The following SLIT1 variants were observed in gnomAD, a reference collection of about 807,000 sequenced individuals.
The protein encoded by SLIT1 is slit guidance ligand 1, also known as slit homolog 1 protein.
SLIT1 carries 66 observed loss-of-function variants against 186.1 expected under a neutral mutation model. The observed-to-expected ratio is 0.35, with a 90% confidence interval of 0.29 to 0.44. SLIT1 has a LOEUF of 0.44. Ranked by LOEUF, SLIT1 falls within the 20% of genes least tolerant of loss-of-function variation. SLIT1 has a pLI of 1.00. For missense variants in SLIT1, 1,638 were observed against 2,037.4 expected (o/e 0.80, Z 3.77); for synonymous variants, 761 against 833.8 (o/e 0.91, Z 1.50).
chr10:97,110,234 C>T (rs1475166181), intron 4 of SLIT1, among the ~76,000 whole-genome samples: 1 of 152,214 alleles, frequency 6.6e-6, no homozygotes, highest in African/African-American at 2.4e-5. Context: ...GATGACAGAG[C>T]CTCTCCTCAT....
At chr10:97,109,830 G>T (rs967966810) in intron 4 of SLIT1, among the ~76,000 whole-genome samples, 2 of 152,174 alleles carry the variant, frequency 1.3e-5, no homozygotes, top group Admixed American at 6.5e-5. Context: ...AAGCTGCTGG[G>T]TGCAAGCTGA....
intron 4 of SLIT1, among the ~76,000 whole-genome samples, chr10:97,126,114 T>TA (rs1373313030): frequency 6.6e-6 from 1 of 152,248 alleles, no homozygotes; most frequent in Non-Finnish European, 1.5e-5. Context: ...ATTTTCATTT[T>TA]ATATGTCTCC....
chr10:97,018,495 C>T (rs925123085), intron 28 of SLIT1, 91 bp downstream of exon 28: 23 of 780,920 alleles, frequency 2.9e-5, no homozygotes, highest in Non-Finnish European at 2.7e-5. Context: ...CACAGGAGGC[C>T]TGGGCCATCC....
chr10:97,135,007 C>A (rs1190118260), intron 4 of SLIT1, among the ~76,000 whole-genome samples: 1 of 152,210 alleles, frequency 6.6e-6, no homozygotes, highest in East Asian at 1.9e-4. Context: ...AGCCTTTTTT[C>A]TCACCATGAT....
At chr10:97,047,639 G>A (rs1848745250) in intron 16 of SLIT1, 51 bp downstream of exon 16, 4 of 1,522,594 alleles carry the variant, frequency 2.6e-6, no homozygotes, top group African/African-American at 2.7e-5. Context: ...GCCAAGGAGG[G>A]TTAGTGGCAG....
At chr10:97,116,652 G>A (rs758918882) in intron 4 of SLIT1, among the ~76,000 whole-genome samples, 8 of 152,340 alleles carry the variant, frequency 5.3e-5, no homozygotes, top group Non-Finnish European at 1.0e-4. Context: ...GAATGCCAGC[G>A]AAGCAGCTGC....
chr10:97,108,343 A>G (rs1177212833), intron 4 of SLIT1, among the ~76,000 whole-genome samples: 2 of 152,240 alleles, frequency 1.3e-5, no homozygotes, highest in Non-Finnish European at 2.9e-5. Flanking sequence ...CCTCTGTGAA[A>G]AAAGGAGAGT....
At chr10:97,007,869 A>G (rs536439936) in intron 31 of SLIT1, among the ~76,000 whole-genome samples, 1 of 152,266 alleles carries the variant, frequency 6.6e-6, no homozygotes. Flanking sequence ...TTTTCCTCCT[A>G]AGATTAGGAA....
rs779404510 is a variant in SLIT1 at position 97,157,910 on chromosome 10, T to C, written c.342-21A>G. On this transcript the variant is annotated intron_variant, in intron 3 of 36. Transcript: ENST00000266058. ...GTCGCCTATAAAAGAGAAGAAGAAT[T>C]GGAAATCACCTAGACAGCCAGGAAA... is the stretch of plus-strand genomic sequence containing the variant. 5 of 1,589,060 alleles carry C rather than the reference T, an allele frequency of 3.1e-6. No individual in the cohort carries two copies. In the South Asian group the frequency reaches 4.4e-5, roughly 14 times the overall value.
chr10:97,125,025 T>G (rs914537136), intron 4 of SLIT1, among the ~76,000 whole-genome samples: 1 of 152,188 alleles, frequency 6.6e-6, no homozygotes, highest in Admixed American at 6.5e-5. Flanking sequence ...TAAAACAAGA[T>G]GTATTTCAGC....
chr10:97,184,329 T>C lies in SLIT1; in HGVS notation c.197+1149A>G, dbSNP rs977188278. Among the ~76,000 whole-genome samples, 2 of 152,050 alleles carry C rather than the reference T, an allele frequency of 1.3e-5. No individual in the cohort carries two copies. The highest frequency in any genetic ancestry group is 1.9e-4 in the East Asian group (1 of 5,156). Reference sequence around the variant, plus strand: ...GAGGAGTGTGGGAAGGAGGAGTAGGTAGGTTTCAAAGGAGCCAGCAGCCTT... The same window carrying C: ...GAGGAGTGTGGGAAGGAGGAGTAGGCAGGTTTCAAAGGAGCCAGCAGCCTT... On this transcript the variant is annotated intron_variant, in intron 1 of 36. Coordinates refer to ENST00000266058, the MANE Select transcript of SLIT1 (RefSeq NM_003061.3). The surrounding 1 kb of genome is among the most constrained non-coding windows in gnomAD (Gnocchi z 4.4).
At chr10:97,089,826 G>C (rs1261265018) in intron 4 of SLIT1, among the ~76,000 whole-genome samples, 1 of 152,174 alleles carries the variant, frequency 6.6e-6, no homozygotes, top group African/African-American at 2.4e-5. Flanking sequence ...TGTCAGTTAA[G>C]GGCAGAAACT....
chr10:97,031,487 T>G (rs940249141), intron 24 of SLIT1, 119 bp downstream of exon 24: 6 of 729,512 alleles, frequency 8.2e-6, no homozygotes, highest in African/African-American at 7.1e-5. Context: ...GACAGCACTC[T>G]GGACTCCACC....
Position 97,185,954 on chromosome 10 carries a change from G to T in SLIT1, c.-280C>A, listed in dbSNP as rs1403012180. 1.9e-5 allele frequency: 9 copies of T among 465,614 alleles called. No homozygotes were observed. Among genetic ancestry groups the T allele is most frequent in the Non-Finnish European group, 3.0e-5 (8 of 265,600 alleles). The allele number at this position is 465,614 out of a possible 1,614,324, so 28.8% of individuals were successfully genotyped here. On this transcript the variant is annotated 5_prime_UTR_variant, in exon 1 of 37. Transcript: ENST00000266058. ...CCTCCAGCTCCCAACTGACTGCTGC[G>T]AGGAGGAAAATGGGCAGGCCCCGCG...
intron 7 of SLIT1, among the ~76,000 whole-genome samples, 199 bp downstream of exon 7, chr10:97,063,969 A>G (rs1232717105): frequency 6.6e-6 from 1 of 152,124 alleles, no homozygotes; most frequent in East Asian, 1.9e-4. Context: ...AACCAAATTA[A>G]GTGGCATTGG....
intron 4 of SLIT1, among the ~76,000 whole-genome samples, chr10:97,131,680 C>T (rs892015577): frequency 4.6e-5 from 7 of 152,232 alleles, no homozygotes; most frequent in African/African-American, 1.4e-4. Context: ...CTGAAGGTCT[C>T]TTGTTTTATC....
chr10:97,179,511 A>G (rs1850301931), intron 1 of SLIT1, among the ~76,000 whole-genome samples: 1 of 152,198 alleles, frequency 6.6e-6, no homozygotes, highest in Admixed American at 6.5e-5. Flanking sequence ...AAGTTGAGTC[A>G]CTAGTGAATT....
At chr10:97,132,023 T>C (rs1849659152) in intron 4 of SLIT1, among the ~76,000 whole-genome samples, 1 of 152,220 alleles carries the variant, frequency 6.6e-6, no homozygotes, top group Non-Finnish European at 1.5e-5. Context: ...CAGCTAACTG[T>C]CCATCCCCCA....
chr10:97,062,246 A>T (rs1469454049), intron 8 of SLIT1, among the ~76,000 whole-genome samples: 1 of 151,518 alleles, frequency 6.6e-6, no homozygotes, highest in Non-Finnish European at 1.5e-5. Context: ...CACACACAGC[A>T]GTGCAGAGCA....
Sources: gnomAD v4.1 joint callset for allele counts (sites outside exome capture counted in the v4.1 genomes callset) on GRCh38, gnomAD v4.1.1 for gene constraint, Gnocchi (gnomAD v3.1) non-coding constraint, MANE v1.5 for transcripts, NCBI Gene and HGNC (gene_info 2026-07-23, HGNC 2026-07-21) for gene names.